CTTN: variants seen among roughly 807,000 people sequenced by gnomAD.
The protein encoded by CTTN is cortactin, also known as src substrate cortactin.
In CTTN, 28 loss-of-function variants were observed where a neutral mutation model predicts 84.0. The observed-to-expected ratio is 0.33, with a 90% CI of 0.25 to 0.46. CTTN has a LOEUF of 0.46. CTTN is among the 20% of genes least tolerant of loss of function. The probability of loss-of-function intolerance (pLI) is 1.00; values close to 1 mark genes in which losing one functional copy is unlikely to be tolerated. For synonymous variants in CTTN, 301 were observed against 288.8 expected (o/e 1.04, Z -0.43); for missense variants, 641 against 723.8 (o/e 0.89, Z 1.31).
intron 1 of CTTN, 119 bp from the exon 2 acceptor site, chr11:70,405,146 C>T: frequency 6.6e-6 from 1 of 152,146 alleles, no homozygotes; most frequent in South Asian, 2.1e-4. Flanking sequence ...ATTACAAAAC[C>T]TTGTTACGTT....
chr11:70,403,622 T>G (rs2135548440), intron 1 of CTTN, among the ~76,000 whole-genome samples: 1 of 152,328 alleles, frequency 6.6e-6, no homozygotes, highest in Admixed American at 6.5e-5. Context: ...TGGTGTCATA[T>G]CTAAGAAACT....
rs117409317 is a variant in CTTN at position 70,413,484 on chromosome 11, G to T, written c.292-1058G>T. 2.4e-3 allele frequency among the ~76,000 whole-genome samples: 371 copies of T among 152,344 alleles called. 2 individuals are homozygous for T. Among genetic ancestry groups the T allele is most frequent in the Non-Finnish European group, 4.0e-3 (275 of 68,034 alleles). On this transcript the variant is annotated intron_variant, in intron 5 of 17. Transcript: ENST00000301843. ...CAGAGGGTCTCTCAATAGAACTGCC[G>T]AACGGAGTTGCTGAATCACACAAGC... is the stretch of plus-strand genomic sequence containing the variant.
intron 14 of CTTN, among the ~76,000 whole-genome samples, chr11:70,430,833 C>T (rs2058346284): frequency 6.6e-6 from 1 of 152,196 alleles, no homozygotes; most frequent in South Asian, 2.1e-4. Flanking sequence ...GGCCCAGTCC[C>T]GGCACTGTCG....
chr11:70,426,316 CAGG>C (rs1308514113), intron 13 of CTTN, among the ~76,000 whole-genome samples: 1 of 150,278 alleles, frequency 6.7e-6, no homozygotes, highest in Non-Finnish European at 1.5e-5. Context: ...GAGGCTGAGA[CAGG>C]AGAATGGCGT....
chr11:70,422,769 A>G (rs2058253181), intron 11 of CTTN, 171 bp from the exon 12 acceptor site: 1 of 1,463,002 alleles, frequency 6.8e-7, no homozygotes, highest in Admixed American at 2.2e-5. Flanking sequence ...TCTCACGACC[A>G]TGGGTGGAAG....
At chr11:70,416,486 C>T (rs1360941343) in intron 7 of CTTN, among the ~76,000 whole-genome samples, 2 of 152,176 alleles carry the variant, frequency 1.3e-5, no homozygotes, top group Admixed American at 1.3e-4. Context: ...GGCTGGAGTG[C>T]AGTGGCACGA....
intron 9 of CTTN, 188 bp from the exon 10 acceptor site, chr11:70,420,212 T>A (rs141230841): frequency 0.024 from 15,020 of 614,862 alleles, 251 homozygotes; most frequent in Non-Finnish European, 0.033. Context: ...GGTCATAGAC[T>A]AGGTTATTTC....
Position 70,425,385 on chromosome 11 carries a change from A to G in CTTN, c.1011A>G (p.Thr337=), listed in dbSNP as rs758954758. ...AGGTGTCCTCTGCCTACCAGAAGAC[A>G]GTACCTGTCGAAGCTGGTGAGTCCC... The part of the protein sequence containing the change: ...VTQVSSAYQK[T]VPVEAVTSKT... The change falls in exon 13 of 18, where the codon ACA becomes ACG. Residue 337 remains threonine (T), a synonymous_variant. Transcript: ENST00000301843. 6.2e-7 allele frequency: 1 copy of G among 1,612,170 alleles called. No individual in the cohort carries two copies. The highest frequency in any genetic ancestry group is 8.5e-7 in the Non-Finnish European group (1 of 1,179,186).
chr11:70,420,156 C>G (rs929470485), intron 9 of CTTN: 12 of 596,180 alleles, frequency 2.0e-5, no homozygotes, highest in Non-Finnish European at 3.3e-5. Context: ...AAGCCGCATG[C>G]GTGGGAGCTT....
At chr11:70,414,237 C>T (rs560633772) in intron 5 of CTTN, among the ~76,000 whole-genome samples, 48 of 151,914 alleles carry the variant, frequency 3.2e-4, no homozygotes, top group African/African-American at 9.9e-4. Context: ...CCCAGCTACT[C>T]GGGAGGCTGA....
chr11:70,423,391 T>C (rs566547864), intron 12 of CTTN, among the ~76,000 whole-genome samples: 1 of 152,336 alleles, frequency 6.6e-6, no homozygotes, highest in East Asian at 1.9e-4. Context: ...CAGCCAGCGC[T>C]GCGTGTGCGG....
At chr11:70,401,226 T>G (rs1021812646) in intron 1 of CTTN, among the ~76,000 whole-genome samples, 20 of 152,048 alleles carry the variant, frequency 1.3e-4, no homozygotes, top group African/African-American at 4.8e-4. Flanking sequence ...ATCCCAGCAC[T>G]TTGGGAGGCT....
At chr11:70,434,085 G>C (rs1046610665) in intron 17 of CTTN, among the ~76,000 whole-genome samples, 1 of 152,182 alleles carries the variant, frequency 6.6e-6, no homozygotes, top group Non-Finnish European at 1.5e-5. Context: ...TGATGTTCGA[G>C]ACCCCATTCC....
At chr11:70,413,899 A>C (rs920523319) in intron 5 of CTTN, among the ~76,000 whole-genome samples, 19 of 152,268 alleles carry the variant, frequency 1.2e-4, no homozygotes, top group Non-Finnish European at 2.4e-4. Flanking sequence ...CAGTCTCCAC[A>C]CCAGCGGGTC....
intron 13 of CTTN, among the ~76,000 whole-genome samples, chr11:70,428,417 G>T (rs1373871026): frequency 6.6e-6 from 1 of 151,930 alleles, no homozygotes; most frequent in African/African-American, 2.4e-5. Context: ...GCCCACCTTA[G>T]CCTCCCAAAG....
intron 2 of CTTN, among the ~76,000 whole-genome samples, chr11:70,405,693 G>A (rs2058034298): frequency 2.6e-5 from 4 of 152,176 alleles, no homozygotes; most frequent in African/African-American, 7.2e-5. Context: ...CACCCCGCTC[G>A]CTGGTGAAGC....
intron 16 of CTTN, 27 bp downstream of exon 16, chr11:70,433,305 C>A: frequency 6.4e-7 from 1 of 1,573,638 alleles, no homozygotes; most frequent in South Asian, 1.1e-5. Flanking sequence ...CTGCAGCGCC[C>A]TGCCCAGGGC....
At position 70,435,251 on chromosome 11, in the gene CTTN, C is replaced by G. The variant is rs567332793; in HGVS notation, c.*89C>G. 8 of 978,276 alleles carry G rather than the reference C, an allele frequency of 8.2e-6. No individual in the cohort carries two copies. The highest frequency in any genetic ancestry group is 4.1e-5 in the East Asian group (1 of 24,488). 60.6% of individuals were successfully genotyped at this position (978,276 alleles called of 1,614,324 possible). On this transcript the variant is annotated 3_prime_UTR_variant, in exon 18 of 18. Coordinates refer to ENST00000301843, the MANE Select transcript of CTTN (RefSeq NM_005231.4). ...GTTCTTGGGTGGTTTTGGGTTTTTT[C>G]TGTTTTTTTTTTTTTTTTTTTTTTT...
chr11:70,411,925 C>T (rs2058100483), intron 5 of CTTN, among the ~76,000 whole-genome samples: 2 of 152,136 alleles, frequency 1.3e-5, no homozygotes, highest in Non-Finnish European at 2.9e-5. Context: ...GTGCCTGGCT[C>T]AGTGCCACGT....
Sources: gnomAD v4.1 joint callset for allele counts (sites outside exome capture counted in the v4.1 genomes callset) on GRCh38, gnomAD v4.1.1 for gene constraint, MANE v1.5 for transcripts, NCBI Gene and HGNC (gene_info 2026-07-23, HGNC 2026-07-21) for gene names.